TRABD2A: variants seen among roughly 807,000 people sequenced by gnomAD.
The protein encoded by TRABD2A is metalloprotease TIKI1.
TRABD2A carries 43 observed loss-of-function variants against 45.6 expected under a neutral mutation model. The observed-to-expected ratio is 0.94, with a 90% CI of 0.74 to 1.22. The LOEUF is 1.22. Among genes scored for constraint, TRABD2A ranks in the 50% most tolerant of loss-of-function variants. The pLI is 0.00. For missense variants in TRABD2A, 642 were observed against 652.4 expected, an observed-to-expected ratio of 0.98 and a Z score of 0.17; for synonymous variants, 269 against 265.0, an observed-to-expected ratio of 1.02 and a Z score of -0.15.
At chr2:84,863,961 A>G (rs1303757518) in intron 2 of TRABD2A, among the ~76,000 whole-genome samples, 2 of 152,034 alleles carry the variant, frequency 1.3e-5, no homozygotes, top group Non-Finnish European at 2.9e-5. Context: ...CCAACTTCCA[A>G]ATCGATCATG....
chr2:84,850,190 TG>T (rs1370268828), intron 2 of TRABD2A, among the ~76,000 whole-genome samples: 1 of 151,948 alleles, frequency 6.6e-6, no homozygotes, highest in Non-Finnish European at 1.5e-5. Flanking sequence ...CAACAGCACC[TG>T]GGGGAAAAGC....
chr2:84,867,083 T>C (rs1207707431), intron 2 of TRABD2A, among the ~76,000 whole-genome samples: 3 of 151,990 alleles, frequency 2.0e-5, no homozygotes, highest in Non-Finnish European at 2.9e-5. Flanking sequence ...AAAAAAGTCA[T>C]TGGGCTGTAT....
intron 1 of TRABD2A, among the ~76,000 whole-genome samples, chr2:84,873,571 G>A (rs1434962221): frequency 2.0e-5 from 3 of 152,192 alleles, no homozygotes; most frequent in African/African-American, 4.8e-5. Flanking sequence ...AATGGAAACT[G>A]TACATCTACC....
At position 84,822,030 on chromosome 2, in the gene TRABD2A, G is replaced by C; in HGVS notation, c.1405C>G (p.Arg469Gly). The C allele has an allele frequency of 2.5e-6, 4 of 1,593,468 alleles. No homozygotes were observed. The highest frequency in any genetic ancestry group is 3.4e-6 in the Non-Finnish European group (4 of 1,170,274). ...ATCTGGCTGTGGTGGGAATGCCCAC[G>C]GCGAGGGAGCCGCAGTTCAGTGGAG... Reference protein sequence around the residue: ...HISTELRLPRRGHSHHSQMVA... With the variant: ...HISTELRLPRGGHSHHSQMVA... The change falls in exon 7 of 7, where the codon CGT becomes GGT. Residue 469 changes from arginine (R) to glycine (G), a missense_variant. Transcript: ENST00000409520.
At chr2:84,856,414 A>G (rs1247327087) in intron 2 of TRABD2A, among the ~76,000 whole-genome samples, 1 of 152,094 alleles carries the variant, frequency 6.6e-6, no homozygotes, top group Non-Finnish European at 1.5e-5. Context: ...TGTCATGTGA[A>G]TGGATGCTGC....
intron 2 of TRABD2A, among the ~76,000 whole-genome samples, chr2:84,865,815 C>A (rs1682657379): frequency 6.6e-6 from 1 of 152,212 alleles, no homozygotes; most frequent in Non-Finnish European, 1.5e-5. Flanking sequence ...GACCATTTCT[C>A]TAGGGGAACC....
intron 5 of TRABD2A, among the ~76,000 whole-genome samples, chr2:84,828,252 C>T (rs373413469): frequency 4.8e-4 from 73 of 152,278 alleles, no homozygotes; most frequent in African/African-American, 1.6e-3. Flanking sequence ...CCAACATGCA[C>T]ACCCATCTCT....
chr2:84,839,269 C>A lies in TRABD2A; in HGVS notation c.871G>T (p.Glu291Ter). The part of the protein sequence containing the change: ...LPPQERITAQ[E>*]IDSYLRRELI... ...TCCCGGCGTAAGTAGCTGTCAATCTCCTGAGCAGTGATGCGCTCCTGAGGT... is the reference window on the plus strand; with the variant it reads ...TCCCGGCGTAAGTAGCTGTCAATCTACTGAGCAGTGATGCGCTCCTGAGGT... The change falls in exon 4 of 7, where the codon GAG (glutamate) becomes TAG (stop). Residue 291 changes from glutamate (E) to a stop codon, truncating the protein, a stop_gained. Coordinates refer to ENST00000409520, the MANE Select transcript of TRABD2A (RefSeq NM_001277053.2). LOFTEE classifies it high-confidence loss of function. The A allele has an allele frequency of 6.2e-7, 1 of 1,613,830 alleles. No homozygotes were observed.
intron 6 of TRABD2A, among the ~76,000 whole-genome samples, chr2:84,823,528 C>T (rs559253970): frequency 6.6e-6 from 1 of 152,230 alleles, no homozygotes; most frequent in Non-Finnish European, 1.5e-5. Flanking sequence ...TCTGAGACTA[C>T]ATTTGGTGTA....
At position 84,870,423 on chromosome 2, in the gene TRABD2A, G is replaced by T. The variant is rs552109610; in HGVS notation, c.471C>A (p.Ala157=). Reference sequence around the variant, plus strand: ...CAGGCCTCTTGCGCTCCCAGTTTCCGGCAATAGCATTGAAGAGGTAGTCTG... The same window carrying T: ...CAGGCCTCTTGCGCTCCCAGTTTCCTGCAATAGCATTGAAGAGGTAGTCTG... ...LYADYLFNAI[A]GNWERKRPVW... The change falls in exon 2 of 7, where the codon GCC becomes GCA. Residue 157 remains alanine, a synonymous_variant. Transcript: ENST00000409520. 2 of 1,613,982 alleles carry T rather than the reference G, an allele frequency of 1.2e-6. No individual in the cohort carries two copies. Among genetic ancestry groups the T allele is most frequent in the Non-Finnish European group, 1.7e-6 (2 of 1,179,888 alleles).
chr2:84,855,800 C>T (rs1682278682), intron 2 of TRABD2A, among the ~76,000 whole-genome samples: 1 of 152,112 alleles, frequency 6.6e-6, no homozygotes, highest in African/African-American at 2.4e-5. Context: ...GACCCAAGTC[C>T]CAGTTGGGGC....
intron 2 of TRABD2A, among the ~76,000 whole-genome samples, chr2:84,857,724 G>A (rs1319729981): frequency 6.6e-6 from 1 of 152,084 alleles, no homozygotes; most frequent in Non-Finnish European, 1.5e-5. Context: ...CCAGACTCCC[G>A]ATGTCTTCCT....
chr2:84,839,328 ACC>A lies in TRABD2A; in HGVS notation c.817-7_817-6del. ...GGCATTAATAAAATTGGGAACCTCC[ACC>A]AAAATAAAGAGAAAAAAAAATAAGG... is the stretch of plus-strand genomic sequence containing the variant. On this transcript the variant is annotated splice_polypyrimidine_tract_variant and splice_region_variant and intron_variant, in intron 3 of 6. Coordinates refer to ENST00000409520, the MANE Select transcript of TRABD2A (RefSeq NM_001277053.2). 6.3e-7 allele frequency: 1 copy of A among 1,593,590 alleles called. No individual in the cohort carries two copies. Among genetic ancestry groups the A allele is most frequent in the Non-Finnish European group, 8.5e-7 (1 of 1,170,732 alleles).
At chr2:84,852,803 C>T (rs931299102) in intron 2 of TRABD2A, among the ~76,000 whole-genome samples, 3 of 152,068 alleles carry the variant, frequency 2.0e-5, no homozygotes, top group Admixed American at 1.3e-4. Flanking sequence ...GAAGCCAGAG[C>T]CTCCTGGGCC....
intron 4 of TRABD2A, chr2:84,834,989 T>G (rs1358401319): frequency 1.3e-5 from 2 of 152,246 alleles, no homozygotes. Flanking sequence ...GGCTACACCA[T>G]TTTAAATTCC....
chr2:84,864,293 C>T (rs573749507), intron 2 of TRABD2A, among the ~76,000 whole-genome samples: 71 of 152,218 alleles, frequency 4.7e-4, no homozygotes, highest in African/African-American at 1.5e-3. Context: ...ATGAGGATTG[C>T]CATGTAGGAG....
chr2:84,840,905 C>T (rs1040637965), intron 3 of TRABD2A, among the ~76,000 whole-genome samples: 1 of 152,164 alleles, frequency 6.6e-6, no homozygotes, highest in Admixed American at 6.5e-5. Context: ...CCTTTCTGGG[C>T]TGATGCTGCA....
At chr2:84,862,972 A>G (rs1682548108) in intron 2 of TRABD2A, among the ~76,000 whole-genome samples, 1 of 152,212 alleles carries the variant, frequency 6.6e-6, no homozygotes, top group African/African-American at 2.4e-5. Flanking sequence ...CACTCCCGAG[A>G]GAGCTAAGAA....
intron 4 of TRABD2A, chr2:84,838,243 T>C (rs1330138044): frequency 4.2e-6 from 3 of 717,476 alleles, no homozygotes; most frequent in Admixed American, 2.0e-5. Context: ...ACTGTGAAGC[T>C]GGGAAAAGGG....
Sources: allele counts gnomAD v4.1 joint callset (sites outside exome capture counted in the v4.1 genomes callset), GRCh38; gene constraint gnomAD v4.1.1; transcripts MANE v1.5; gene names NCBI Gene and HGNC (gene_info 2026-07-23, HGNC 2026-07-21).